Variants in DCDC2 observed in about 807,000 individuals in gnomAD.
DCDC2 encodes the protein doublecortin domain containing 2.
DCDC2 carries 40 observed loss-of-function variants against 50.2 expected under a neutral mutation model. That is an observed-to-expected ratio of 0.80 (90% confidence interval 0.62 to 1.04). The LOEUF (loss-of-function observed/expected upper bound fraction) is 1.04. Ranked by LOEUF, DCDC2 falls within the 50% of genes least tolerant of loss-of-function variation. The pLI is 0.00. For synonymous variants in DCDC2, 234 were observed against 210.6 expected, an observed-to-expected ratio of 1.11 and a Z score of -0.96; for missense variants, 570 against 581.9, an observed-to-expected ratio of 0.98 and a Z score of 0.21.
chr6:24,268,746 ATT>A (rs1436394646), intron 7 of DCDC2, among the ~76,000 whole-genome samples: 2 of 151,974 alleles, frequency 1.3e-5, no homozygotes, highest in African/African-American at 4.8e-5. Flanking sequence ...TAATTTTTGT[ATT>A]TTTAGTAGAG....
intron 2 of DCDC2, among the ~76,000 whole-genome samples, chr6:24,327,117 TAAC>T (rs1447738570): frequency 6.7e-6 from 1 of 149,198 alleles, no homozygotes; most frequent in Non-Finnish European, 1.5e-5. Context: ...AACTTACAAT[TAAC>T]TGGATAGTAT....
the DCDC2 span, among the ~76,000 whole-genome samples, chr6:24,366,116 C>A: frequency 6.6e-6 from 1 of 152,156 alleles, no homozygotes; most frequent in Non-Finnish European, 1.5e-5. Flanking sequence ...CTTCTCCCAG[C>A]CAGAAGTAAT....
At chr6:24,256,267 G>T (rs1445814689) in intron 7 of DCDC2, among the ~76,000 whole-genome samples, 1 of 129,992 alleles carries the variant, frequency 7.7e-6, no homozygotes, top group Non-Finnish European at 1.6e-5. Context: ...CTTCTCAGAT[G>T]CTGGACATTT....
At chr6:24,185,198 T>C (rs1296709444) in intron 8 of DCDC2, among the ~76,000 whole-genome samples, 1 of 152,192 alleles carries the variant, frequency 6.6e-6, no homozygotes, top group Non-Finnish European at 1.5e-5. Flanking sequence ...TACCCTAATT[T>C]CTTTCTAGGA....
intron 8 of DCDC2, among the ~76,000 whole-genome samples, chr6:24,179,981 G>T (rs1761029966): frequency 1.3e-5 from 2 of 148,414 alleles, no homozygotes; most frequent in South Asian, 4.3e-4. Context: ...ACAAGGGGTG[G>T]GGGAGGGAAC....
intron 7 of DCDC2, 39 bp downstream of exon 7, chr6:24,278,010 A>G: frequency 6.6e-7 from 1 of 1,511,622 alleles, no homozygotes; most frequent in Non-Finnish European, 9.0e-7. Flanking sequence ...TAAGAATTAA[A>G]ATTGTATCAC....
intron 7 of DCDC2, among the ~76,000 whole-genome samples, chr6:24,232,273 A>G (rs1762352851): frequency 6.6e-6 from 1 of 152,206 alleles, no homozygotes; most frequent in Non-Finnish European, 1.5e-5. Flanking sequence ...AGCATAATAA[A>G]TACTAGTTCA....
Position 24,205,219 on chromosome 6 carries a change from G to A in DCDC2, c.923-117C>T, listed in dbSNP as rs765775871. 1.3e-5 allele frequency: 21 copies of A among 1,610,014 alleles called. No homozygotes were observed. The Admixed American group carries it at 3.0e-4, about 23-fold the overall frequency. On this transcript the variant is annotated intron_variant, in intron 7 of 9. Transcript: ENST00000378454. ...AGACATTTGGATTCCCTTTTTAGTT[G>A]ATAGTATTTTTGTGCACCCCCTCCT...
chr6:24,231,708 A>G (rs183462391), intron 7 of DCDC2, among the ~76,000 whole-genome samples: 1 of 152,158 alleles, frequency 6.6e-6, no homozygotes, highest in African/African-American at 2.4e-5. Flanking sequence ...ACATTAAAAA[A>G]AACAGAACTG....
At chr6:24,306,225 A>G (rs1052709758) in intron 2 of DCDC2, among the ~76,000 whole-genome samples, 12 of 152,072 alleles carry the variant, frequency 7.9e-5, no homozygotes, top group African/African-American at 2.4e-4. Context: ...TACGAAACCA[A>G]TCAAATGGTA....
chr6:24,331,266 T>A (rs1350964533), intron 2 of DCDC2, among the ~76,000 whole-genome samples: 1 of 151,844 alleles, frequency 6.6e-6, no homozygotes, highest in East Asian at 1.9e-4. Flanking sequence ...AGTTAATTCT[T>A]AGTTTGAAGT....
intron 7 of DCDC2, among the ~76,000 whole-genome samples, chr6:24,258,359 A>T (rs1277706647): frequency 1.2e-4 from 19 of 152,176 alleles, no homozygotes; most frequent in Non-Finnish European, 4.4e-5. Context: ...TGATTGGTCC[A>T]CTTTACAAAC....
the DCDC2 span, among the ~76,000 whole-genome samples, chr6:24,375,741 G>A: frequency 5.4e-3 from 818 of 152,168 alleles, 12 homozygotes; most frequent in African/African-American, 0.017. Flanking sequence ...CTATTTTGTC[G>A]CTGTTCTATC....
intron 7 of DCDC2, among the ~76,000 whole-genome samples, chr6:24,271,352 G>C (rs528614242): frequency 6.6e-6 from 1 of 152,242 alleles, no homozygotes; most frequent in South Asian, 2.1e-4. Flanking sequence ...AAGAAGCAAA[G>C]AGGCCCTGCT....
At chr6:24,251,553 T>C (rs967463574) in intron 7 of DCDC2, among the ~76,000 whole-genome samples, 67 of 152,268 alleles carry the variant, frequency 4.4e-4, no homozygotes, top group Admixed American at 4.2e-3. Context: ...ACACCTGTGC[T>C]CTTTTCAGTT....
chr6:24,323,694 A>C (rs902418760), intron 2 of DCDC2, among the ~76,000 whole-genome samples: 10 of 152,220 alleles, frequency 6.6e-5, no homozygotes, highest in South Asian at 6.2e-4. Flanking sequence ...AATCAAGCAC[A>C]AGTATGTACT....
At chr6:24,176,110 C>A (rs964285039) in intron 9 of DCDC2, among the ~76,000 whole-genome samples, 35 of 151,864 alleles carry the variant, frequency 2.3e-4, no homozygotes, top group Admixed American at 2.1e-3. Flanking sequence ...CTGTGCAACA[C>A]AGGGAGGGAG....
At chr6:24,330,275 G>A (rs1759943353) in intron 2 of DCDC2, among the ~76,000 whole-genome samples, 1 of 152,092 alleles carries the variant, frequency 6.6e-6, no homozygotes, top group Non-Finnish European at 1.5e-5. Context: ...TACGTTTCCA[G>A]GTTACCAACT....
chr6:24,310,651 T>C (rs1250172536), intron 2 of DCDC2, among the ~76,000 whole-genome samples: 14 of 152,316 alleles, frequency 9.2e-5, no homozygotes, highest in African/African-American at 3.1e-4. Flanking sequence ...CAAATTTTTC[T>C]CCTGACACCA....
Sources: allele counts gnomAD v4.1 joint callset (sites outside exome capture counted in the v4.1 genomes callset), GRCh38; gene constraint gnomAD v4.1.1; transcripts MANE v1.5; gene names NCBI Gene and HGNC (gene_info 2026-07-23, HGNC 2026-07-21).